NPAS3: variants seen among roughly 807,000 people sequenced by gnomAD.
NPAS3 encodes neuronal PAS domain protein 3, also known as neuronal PAS domain-containing protein 3.
A neutral mutation model predicts 73.1 loss-of-function variants in NPAS3; 14 were observed. The observed-to-expected ratio is 0.19, with a 90% CI of 0.13 to 0.30. The LOEUF (loss-of-function observed/expected upper bound fraction) is 0.30. Among genes scored for constraint, NPAS3 ranks in the 10% least tolerant of loss-of-function variants. The pLI is 1.00. For missense variants in NPAS3, 1,096 were observed against 1,250.0 expected (o/e 0.88, Z 1.86); for synonymous variants, 620 against 541.5 (o/e 1.14, Z -2.01).
At chr14:33,420,088 A>C (rs2048309853) in intron 4 of NPAS3, among the ~76,000 whole-genome samples, 1 of 152,016 alleles carries the variant, frequency 6.6e-6, no homozygotes, top group Non-Finnish European at 1.5e-5. Context: ...GACATGTTGA[A>C]AAGATGGTCT....
At chr14:33,181,240 G>A (rs2045788087) in intron 2 of NPAS3, among the ~76,000 whole-genome samples, 1 of 152,168 alleles carries the variant, frequency 6.6e-6, no homozygotes, top group Admixed American at 6.5e-5. Flanking sequence ...TTGTGCAGTT[G>A]TGTATATTTG....
At chr14:32,956,849 G>A (rs2036690937) in intron 1 of NPAS3, among the ~76,000 whole-genome samples, 1 of 152,118 alleles carries the variant, frequency 6.6e-6, no homozygotes, top group African/African-American at 2.4e-5. Context: ...TCTAAAATAT[G>A]CCCCCTCTAC....
chr14:33,489,700 C>T (rs1254673041), intron 4 of NPAS3, among the ~76,000 whole-genome samples: 1 of 152,108 alleles, frequency 6.6e-6, no homozygotes, highest in Non-Finnish European at 1.5e-5. Flanking sequence ...GATATGAATG[C>T]TGCTGTTTCA....
chr14:33,342,912 C>T (rs181462618), intron 3 of NPAS3, among the ~76,000 whole-genome samples: 73 of 152,182 alleles, frequency 4.8e-4, no homozygotes, highest in Admixed American at 4.4e-3. Flanking sequence ...CATTTTTTAG[C>T]CCATATGTGT....
upstream of NPAS3, among the ~76,000 whole-genome samples, chr14:32,939,063 G>A (rs1245551280): frequency 1.4e-5 from 2 of 144,392 alleles, no homozygotes; most frequent in Admixed American, 1.4e-4. Flanking sequence ...CCGGCCGCCC[G>A]CGAGGCTCCG....
chr14:33,695,686 A>G (rs917319360), intron 6 of NPAS3, among the ~76,000 whole-genome samples: 2 of 152,230 alleles, frequency 1.3e-5, no homozygotes, highest in African/African-American at 4.8e-5. Flanking sequence ...GTCTATTGAA[A>G]CTAAATTATT....
chr14:33,085,732 T>C (rs779943156), intron 2 of NPAS3, among the ~76,000 whole-genome samples: 15 of 152,224 alleles, frequency 9.9e-5, no homozygotes, highest in Non-Finnish European at 2.9e-5. Flanking sequence ...ATTTTTTAAA[T>C]ATAGTAAGAT....
intron 1 of NPAS3, among the ~76,000 whole-genome samples, chr14:33,021,145 G>A (rs930755901): frequency 2.6e-5 from 4 of 152,172 alleles, no homozygotes; most frequent in African/African-American, 4.8e-5. Context: ...AAGGGTTATC[G>A]TGAGAAGTAG....
intron 2 of NPAS3, among the ~76,000 whole-genome samples, chr14:33,116,372 A>G (rs928302326): frequency 4.1e-4 from 63 of 152,144 alleles, no homozygotes; most frequent in African/African-American, 1.3e-3. Context: ...GAACTTCAGG[A>G]TGAGCATGTG....
rs531485803 is a variant in NPAS3 at position 33,222,216 on chromosome 14, A to C, written c.385+6790A>C. ...TCTTCAGGGAGGAGAAGAGAGGGTC[A>C]GATAGTCTTCCTAGATTTTATGGCT... is the stretch of plus-strand genomic sequence containing the variant. On this transcript the variant is annotated intron_variant, in intron 3 of 11. Coordinates refer to ENST00000356141, the Ensembl canonical transcript of NPAS3. Among the ~76,000 whole-genome samples, 37 of 152,326 alleles carry C rather than the reference A, an allele frequency of 2.4e-4. 2 individuals are homozygous for C. The South Asian group carries it at 7.7e-3, about 32-fold the overall frequency.
At chr14:33,203,912 C>G (rs558034068) in intron 2 of NPAS3, among the ~76,000 whole-genome samples, 7 of 152,162 alleles carry the variant, frequency 4.6e-5, no homozygotes, top group Admixed American at 2.0e-4. Context: ...ACTTCCACAA[C>G]GGTTGAACTA....
intron 3 of NPAS3, among the ~76,000 whole-genome samples, chr14:33,231,167 C>G (rs1420633591): frequency 6.6e-6 from 1 of 152,140 alleles, no homozygotes; most frequent in Non-Finnish European, 1.5e-5. Context: ...AAGTCCTGGA[C>G]AATTGTTTAT....
chr14:33,529,427 G>A (rs2053944295), intron 4 of NPAS3, among the ~76,000 whole-genome samples: 1 of 152,036 alleles, frequency 6.6e-6, no homozygotes, highest in African/African-American at 2.4e-5. Context: ...AAGAAGCTTT[G>A]CAGGCTAGTC....
At chr14:33,391,759 T>C (rs926328258) in intron 4 of NPAS3, among the ~76,000 whole-genome samples, 1 of 152,216 alleles carries the variant, frequency 6.6e-6, no homozygotes, top group Admixed American at 6.5e-5. Context: ...TTAATCCTAC[T>C]GGACACCATG....
chr14:33,778,412 GTTTC>G (rs2062884707), intron 8 of NPAS3, 50 bp from the exon 9 acceptor site: 1 of 1,266,128 alleles, frequency 7.9e-7, no homozygotes, highest in Admixed American at 1.7e-5. Flanking sequence ...TTATTTGACA[GTTTC>G]TTTATATTTC....
chr14:32,953,804 C>A (rs1266653103), intron 1 of NPAS3, among the ~76,000 whole-genome samples: 2 of 152,164 alleles, frequency 1.3e-5, no homozygotes, highest in Admixed American at 6.5e-5. Flanking sequence ...GGTTGTGTTA[C>A]AAGAGGACCC....
At chr14:33,560,747 A>C (rs368034770) in intron 5 of NPAS3, among the ~76,000 whole-genome samples, 1 of 152,176 alleles carries the variant, frequency 6.6e-6, no homozygotes, top group East Asian at 1.9e-4. Flanking sequence ...ACAGCTTTTC[A>C]TTATTTGCCA....
At chr14:33,080,374 G>A (rs2041828552) in intron 2 of NPAS3, among the ~76,000 whole-genome samples, 1 of 152,178 alleles carries the variant, frequency 6.6e-6, no homozygotes, top group African/African-American at 2.4e-5. Flanking sequence ...CCAAAGTGCT[G>A]GGATTACAGG....
chr14:33,480,510 C>T (rs1235950363), intron 4 of NPAS3, among the ~76,000 whole-genome samples: 2 of 145,154 alleles, frequency 1.4e-5, no homozygotes, highest in East Asian at 2.1e-4. Flanking sequence ...TCTCTCTCTC[C>T]CTCTCCCCCA....
Sources: allele counts gnomAD v4.1 joint callset (sites outside exome capture counted in the v4.1 genomes callset), GRCh38; gene constraint gnomAD v4.1.1; transcripts MANE v1.5; gene names NCBI Gene and HGNC (gene_info 2026-07-23, HGNC 2026-07-21).